Variants in FAM47E observed in about 807,000 individuals in gnomAD.
FAM47E encodes the protein protein FAM47E.
A neutral mutation model predicts 41.6 loss-of-function variants in FAM47E; 32 were observed. The observed-to-expected ratio is 0.77, with a 90% CI of 0.58 to 1.03. The LOEUF is 1.03. FAM47E is among the 50% of genes least tolerant of loss of function. The probability of loss-of-function intolerance (pLI) is 0.00; values close to 1 mark genes in which losing one functional copy is unlikely to be tolerated. For synonymous variants in FAM47E, 184 were observed against 188.7 expected, an observed-to-expected ratio of 0.98 and a Z score of 0.20; for missense variants, 424 against 485.4, an observed-to-expected ratio of 0.87 and a Z score of 1.19.
At chr4:76,260,742 G>T (rs1734376480) in intron 2 of FAM47E, among the ~76,000 whole-genome samples, 1 of 152,092 alleles carries the variant, frequency 6.6e-6, no homozygotes, top group Non-Finnish European at 1.5e-5. Flanking sequence ...ACTTTGAACT[G>T]CAAAAGAAAC....
At position 76,256,239 on chromosome 4, in the gene FAM47E, G is replaced by C; in HGVS notation, c.136G>C (p.Val46Leu). Residue 46 changes from valine (V) to leucine (L), a missense_variant, in exon 2 of 8, where the codon GTA becomes CTA. By Grantham distance (32) the Val-to-Leu change is conservative. Coordinates refer to ENST00000424749, the MANE Select transcript of FAM47E (RefSeq NM_001136570.3). ...CACCTCTCTGCACAGCCGGCAGTTG[G>C]TATTTCCAAGAAAGGGGCTGGACGA... ...FPTSLHSRQL[V>L]FPRKGLDDFR... is the part of the protein sequence containing the mutation. 1 of 1,551,692 alleles carries C rather than the reference G, an allele frequency of 6.4e-7. No homozygotes were observed. Among genetic ancestry groups the C allele is most frequent in the East Asian group, 2.4e-5 (1 of 40,928 alleles).
In FAM47E at chr4:76,273,119, T is replaced by C. The variant is rs368908763; in HGVS notation, c.870+1351T>C. The stretch of plus-strand genomic sequence containing the variant: ...CTAACTCCTATATATACTGCGTTTT[T>C]TGATATGATAACAGGCGGTTACTCA... On this transcript the variant is annotated intron_variant, in intron 5 of 7. Transcript: ENST00000424749. 1.3e-3 allele frequency among the ~76,000 whole-genome samples: 194 copies of C among 152,306 alleles called. 2 individuals carry two copies. In the South Asian group the frequency reaches 0.039, roughly 31 times the overall value.
chr4:76,271,825 C>T (rs1213490202), intron 5 of FAM47E, 57 bp downstream of exon 5: 3 of 1,502,954 alleles, frequency 2.0e-6, no homozygotes, highest in Non-Finnish European at 2.7e-6. Context: ...GTATTGAAGT[C>T]TTAAAGTTCT....
At chr4:76,250,626 T>C (rs868332303), upstream of FAM47E, among the ~76,000 whole-genome samples, 51 of 152,166 alleles carry the variant, frequency 3.4e-4, no homozygotes, top group African/African-American at 1.0e-3. Context: ...TAGATAACCA[T>C]ACTTTTGGCC....
chr4:76,233,596 A>G (rs917181383), intron 2 of FAM47E, among the ~76,000 whole-genome samples: 1 of 152,044 alleles, frequency 6.6e-6, no homozygotes, highest in Non-Finnish European at 1.5e-5. Flanking sequence ...GCACACACAC[A>G]CACACACATA....
At chr4:76,221,340 T>TG (rs1169836944) in intron 2 of FAM47E, among the ~76,000 whole-genome samples, 1 of 151,984 alleles carries the variant, frequency 6.6e-6, no homozygotes. Context: ...ATGGGGGAGA[T>TG]GAAGTTTCGC....
rs1459526739 is a variant in FAM47E at position 76,263,850 on chromosome 4, A to G, written c.560+7A>G. The G allele has an allele frequency of 6.4e-7, 1 of 1,551,032 alleles. No individual in the cohort carries two copies. The highest frequency in any genetic ancestry group is 2.0e-5 in the Admixed American group (1 of 50,958). On this transcript the variant is annotated splice_region_variant and intron_variant, in intron 3 of 7. Coordinates refer to ENST00000424749, the MANE Select transcript of FAM47E (RefSeq NM_001136570.3). ...CCCAAGTCTACCTGGGACCGTGAGT[A>G]TTGTTCTTAACCCTTCGATCATTGC... is the stretch of plus-strand genomic sequence containing the variant.
intron 2 of FAM47E, chr4:76,234,505 T>A (rs769806118): frequency 6.6e-6 from 1 of 152,120 alleles, no homozygotes; most frequent in Non-Finnish European, 1.5e-5. Flanking sequence ...CTAGAATGCT[T>A]CCTGCTTTAC....
chr4:76,263,973 G>C, intron 3 of FAM47E, 130 bp downstream of exon 3: 1 of 1,361,220 alleles, frequency 7.3e-7, no homozygotes, highest in Non-Finnish European at 9.8e-7. Context: ...CCAAGGAAGA[G>C]GGAAAGGAGT....
At position 76,263,810 on chromosome 4, in the gene FAM47E, TA is replaced by T. The variant is rs747698835; in HGVS notation, c.534del (p.Lys178AsnfsTer57). 1.3e-6 allele frequency: 2 copies of T among 1,551,396 alleles called. No homozygotes were observed. Among genetic ancestry groups the T allele is most frequent in the Non-Finnish European group, 1.7e-6 (2 of 1,146,792 alleles). Reference sequence around the variant, plus strand: ...GGAATGAAGGAACCCACGAAGCTTTTAAAAAAACATTCTACCCAAGTCTACC... The same window carrying T: ...GGAATGAAGGAACCCACGAAGCTTTTAAAAAACATTCTACCCAAGTCTACC... The part of the protein sequence containing the change: ...RKGMKEPTKL[L>X]KKHSTQVYLG... On this transcript the variant is annotated frameshift_variant, in exon 3 of 8. Transcript: ENST00000424749. LOFTEE classifies it high-confidence loss of function.
intron 2 of FAM47E, among the ~76,000 whole-genome samples, chr4:76,219,686 TG>T (rs1733274085): frequency 1.3e-5 from 2 of 149,654 alleles, no homozygotes; most frequent in Non-Finnish European, 3.0e-5. Flanking sequence ...CAGCCTGGAG[TG>T]GTGGGGAGAA....
At position 76,283,383 on chromosome 4, in the gene FAM47E, C is replaced by A; in HGVS notation, c.1107C>A (p.Phe369Leu). ...ILSRGYRTPR[F>L]LENMYIGKEC... ...AAGGTTCTCTCATTTTTTTTTAGTT[C>A]CTTGAGAATATGTATATCGGGAAGG... is the stretch of plus-strand genomic sequence containing the variant. Residue 369 changes from phenylalanine to leucine, a missense_variant and splice_region_variant, in exon 8 of 8, where the codon TTC becomes TTA. Phe to Leu is a conservative substitution (Grantham distance 22, BLOSUM62 0). Transcript: ENST00000424749. The A allele has an allele frequency of 6.5e-7, 1 of 1,536,206 alleles. No homozygotes were observed. Among genetic ancestry groups the A allele is most frequent in the South Asian group, 1.2e-5 (1 of 83,382 alleles).
rs572732584 is a variant in FAM47E, at chr4:76,231,585, A to C, written c.81+13897A>C. On this transcript the variant is annotated intron_variant, in intron 2 of 7. Coordinates refer to the FAM47E transcript ENST00000510197. ...GAGTTGTTTGCAAAATAGACTTTACATTTTTATACTTGGCCTGATTATTTG... is the reference window on the plus strand; with the variant it reads ...GAGTTGTTTGCAAAATAGACTTTACCTTTTTATACTTGGCCTGATTATTTG... Among the ~76,000 whole-genome samples, 4 of 152,364 alleles carry C rather than the reference A, an allele frequency of 2.6e-5. No homozygotes were observed. The South Asian group carries it at 8.3e-4, about 32-fold the overall frequency.
intron 2 of FAM47E, chr4:76,236,254 T>G (rs1733584937): frequency 6.6e-6 from 1 of 152,226 alleles, no homozygotes; most frequent in African/African-American, 2.4e-5. Context: ...CACTCCAGTA[T>G]AAGCTCAATT....
intron 5 of FAM47E, among the ~76,000 whole-genome samples, chr4:76,274,198 A>C (rs1010374067): frequency 1.3e-5 from 2 of 152,134 alleles, no homozygotes; most frequent in Non-Finnish European, 2.9e-5. Context: ...GACTATTTGT[A>C]TTCCTATAAA....
rs1456231261 is a variant in FAM47E at position 76,280,326 on chromosome 4, C to T, written c.1089C>T (p.Gly363=). Residue 363 remains glycine, a synonymous_variant, in exon 7 of 8, where the codon GGC becomes GGT. Transcript: ENST00000424749. ...TTAAGGATTTCATTCTAAGCAGGGGCTACAGGACGCCACGTGTGAGTAAAG... is the reference window on the plus strand; with the variant it reads ...TTAAGGATTTCATTCTAAGCAGGGGTTACAGGACGCCACGTGTGAGTAAAG... ...VAFKDFILSR[G]YRTPRFLENM... is the part of the protein sequence containing the mutation. The T allele has an allele frequency of 6.5e-7, 1 of 1,545,614 alleles. No homozygotes were observed. The highest frequency in any genetic ancestry group is 2.4e-5 in the East Asian group (1 of 40,862).
exon 1 of FAM47E, chr4:76,214,053 G>A (rs1018879828): frequency 1.2e-5 from 4 of 334,216 alleles, no homozygotes; most frequent in African/African-American, 4.5e-5. Flanking sequence ...GCCCTGCACC[G>A]CAGGCCCAGC....
At chr4:76,221,854 G>T (rs566790778) in intron 2 of FAM47E, among the ~76,000 whole-genome samples, 1 of 152,078 alleles carries the variant, frequency 6.6e-6, no homozygotes, top group African/African-American at 2.4e-5. Context: ...AAACCTCAGC[G>T]ACACCCAGTT....
At chr4:76,223,419 A>G (rs76896636) in intron 2 of FAM47E, among the ~76,000 whole-genome samples, 1 of 152,188 alleles carries the variant, frequency 6.6e-6, no homozygotes, top group Admixed American at 6.5e-5. Context: ...GAATTCATCA[A>G]AATTTGGCTG....
Sources: gnomAD v4.1 joint callset for allele counts (sites outside exome capture counted in the v4.1 genomes callset) on GRCh38, gnomAD v4.1.1 for gene constraint, MANE v1.5 for transcripts, NCBI Gene and HGNC (gene_info 2026-07-23, HGNC 2026-07-21) for gene names.